The following ADGRA3 variants were observed in gnomAD, a reference collection of about 807,000 sequenced individuals.
ADGRA3 encodes adhesion G protein-coupled receptor A3, also known as G-protein coupled receptor 125.
ADGRA3 carries 56 observed loss-of-function variants against 119.8 expected under a neutral mutation model. The ratio of observed to expected loss-of-function variants is 0.47; its 90% CI spans 0.38 to 0.58. ADGRA3 has a LOEUF of 0.58. Among genes scored for constraint, ADGRA3 ranks in the 20% least tolerant of loss-of-function variants. The pLI is 0.00. For missense variants in ADGRA3, 1,516 were observed against 1,649.0 expected (o/e 0.92, Z 1.40); for synonymous variants, 607 against 623.8 (o/e 0.97, Z 0.40).
Position 22,483,163 on chromosome 4 carries a change from C to T in ADGRA3, c.258-9320G>A, listed in dbSNP as rs376717670. Among the ~76,000 whole-genome samples, 217 of 152,292 alleles carry T rather than the reference C, an allele frequency of 1.4e-3. 1 individual carries two copies. Among genetic ancestry groups the T allele is most frequent in the African/African-American group, 4.9e-3 (203 of 41,562 alleles). On this transcript the variant is annotated intron_variant, in intron 1 of 18. Coordinates refer to ENST00000334304, the MANE Select transcript of ADGRA3 (RefSeq NM_145290.4). ...ACCTGCAATTCCCATCTGAAGACTT[C>T]TTATGCCTGCTTCTGTTTTCTCTCT...
chr4:22,492,140 T>C (rs1484770363), intron 1 of ADGRA3, among the ~76,000 whole-genome samples: 1 of 152,138 alleles, frequency 6.6e-6, no homozygotes, highest in African/African-American at 2.4e-5. Context: ...AAAATTGCAT[T>C]TGGTGTCTCA....
intron 1 of ADGRA3, among the ~76,000 whole-genome samples, chr4:22,501,924 AT>A (rs11399317): frequency 6.6e-6 from 1 of 150,526 alleles, no homozygotes; most frequent in Non-Finnish European, 1.5e-5. Context: ...CGAATGTGTA[AT>A]TTTTTTTTTC....
chr4:22,515,847 C>T lies in ADGRA3; in HGVS notation c.-63G>A, dbSNP rs1228209490. ...CTGGCCTAGCGGGCCGCCCCGGAGC[C>T]CGGGCGGGCAGGAGCGCGGCGCGGG... On this transcript the variant is annotated 5_prime_UTR_variant, in exon 1 of 19. Transcript: ENST00000334304. The T allele has an allele frequency of 3.1e-6, 3 of 978,720 alleles. No homozygotes were observed. The highest frequency in any genetic ancestry group is 4.6e-5 in the South Asian group (1 of 21,546). The allele number at this position is 978,720 out of a possible 1,614,324, so 60.6% of individuals were successfully genotyped here. A position where few individuals can be genotyped will look rare whatever the true frequency, so the allele number is the denominator to read the frequency against.
At chr4:22,492,101 C>T (rs1394772407) in intron 1 of ADGRA3, among the ~76,000 whole-genome samples, 1 of 152,098 alleles carries the variant, frequency 6.6e-6, no homozygotes, top group African/African-American at 2.4e-5. Flanking sequence ...AATACACTGC[C>T]CATGTTACAG....
At chr4:22,444,434 T>C (rs1049297719) in intron 6 of ADGRA3, among the ~76,000 whole-genome samples, 1 of 152,116 alleles carries the variant, frequency 6.6e-6, no homozygotes, top group Non-Finnish European at 1.5e-5. Context: ...TACAGTCACC[T>C]GCCACCATGC....
At chr4:22,441,212 C>T (rs990163758) in intron 7 of ADGRA3, among the ~76,000 whole-genome samples, 2 of 152,062 alleles carry the variant, frequency 1.3e-5, no homozygotes, top group African/African-American at 4.8e-5. Flanking sequence ...GCTGGAAGCC[C>T]AAACTTCTAT....
intron 3 of ADGRA3, among the ~76,000 whole-genome samples, chr4:22,461,439 T>C (rs1319605066): frequency 6.6e-6 from 1 of 152,226 alleles, no homozygotes; most frequent in African/African-American, 2.4e-5. Flanking sequence ...TAGCTGGGAC[T>C]ACAGGCACAC....
chr4:22,446,559 C>T (rs1250156421), intron 5 of ADGRA3, among the ~76,000 whole-genome samples: 1 of 152,112 alleles, frequency 6.6e-6, no homozygotes, highest in African/African-American at 2.4e-5. Context: ...AGTACACACA[C>T]ATGCCTGCTA....
At chr4:22,497,575 A>G (rs1036074407) in intron 1 of ADGRA3, among the ~76,000 whole-genome samples, 2 of 152,070 alleles carry the variant, frequency 1.3e-5, no homozygotes, top group African/African-American at 2.4e-5. Flanking sequence ...CAGTAATCCC[A>G]TTTTCGGAAG....
At chr4:22,457,294 G>A (rs978584402) in intron 3 of ADGRA3, among the ~76,000 whole-genome samples, 3 of 152,136 alleles carry the variant, frequency 2.0e-5, no homozygotes, top group Admixed American at 1.3e-4. Flanking sequence ...AAAGGCAAAG[G>A]CATGGTTTAA....
At chr4:22,487,371 A>T (rs1210670532) in intron 1 of ADGRA3, among the ~76,000 whole-genome samples, 1 of 152,166 alleles carries the variant, frequency 6.6e-6, no homozygotes. Flanking sequence ...AAGAGCATGC[A>T]ACCTAGCTCC....
At chr4:22,484,971 C>T (rs1335717896) in intron 1 of ADGRA3, among the ~76,000 whole-genome samples, 1 of 152,040 alleles carries the variant, frequency 6.6e-6, no homozygotes, top group African/African-American at 2.4e-5. Flanking sequence ...ATCTTAATAA[C>T]GTTCTGCTTT....
chr4:22,461,919 GA>G, intron 2 of ADGRA3, 111 bp from the exon 3 acceptor site: 1 of 592,264 alleles, frequency 1.7e-6, no homozygotes, highest in South Asian at 3.2e-5. Context: ...ATAAGAGGAG[GA>G]AACTGAAGCC....
rs141989487 is a variant in ADGRA3, at chr4:22,456,785, G to A, written c.402-1848C>T. Among the ~76,000 whole-genome samples, 1,100 of 152,210 alleles carry A rather than the reference G, an allele frequency of 7.2e-3. 16 individuals carry two copies. Among genetic ancestry groups the A allele is most frequent in the African/African-American group, 0.025 (1,036 of 41,528 alleles). ...TGGAGAGGCCTAATACAGCACCTTA[G>A]GTAATCCTAATTTCAATAATTTCAT... On this transcript the variant is annotated intron_variant, in intron 3 of 18. Coordinates refer to ENST00000334304, the MANE Select transcript of ADGRA3 (RefSeq NM_145290.4).
At chr4:22,435,540 C>T (rs1180577636) in intron 9 of ADGRA3, 74 bp from the exon 10 acceptor site, 2 of 1,308,500 alleles carry the variant, frequency 1.5e-6, no homozygotes, top group South Asian at 1.7e-5. Context: ...GACATTTTAA[C>T]TTTGCATTTC....
intron 1 of ADGRA3, among the ~76,000 whole-genome samples, chr4:22,483,916 A>AGGTCACAACT: frequency 6.6e-6 from 1 of 152,224 alleles, no homozygotes; most frequent in East Asian, 1.9e-4. Context: ...TCATTCAAGC[A>AGGTCACAACT]GGTCACAACT....
chr4:22,422,797 G>T (rs1715760316), intron 11 of ADGRA3, among the ~76,000 whole-genome samples: 1 of 152,180 alleles, frequency 6.6e-6, no homozygotes, highest in Non-Finnish European at 1.5e-5. Flanking sequence ...TAAAGGATGA[G>T]ATTTAAAATG....
chr4:22,406,605 T>C (rs1714938465), intron 14 of ADGRA3, among the ~76,000 whole-genome samples: 1 of 152,212 alleles, frequency 6.6e-6, no homozygotes, highest in Non-Finnish European at 1.5e-5. Context: ...GTATGTCTTC[T>C]TTTCAGAGTA....
Position 22,401,573 on chromosome 4 carries a change from A to G in ADGRA3, c.2358-19T>C, listed in dbSNP as rs1714650497. On this transcript the variant is annotated intron_variant, in intron 15 of 18. Transcript: ENST00000334304. ...AATCAAACTGTTTAAAAAAGAGAGA[A>G]AATATTAATATTCAGGCTAGTACAT... 2.5e-6 allele frequency: 4 copies of G among 1,587,084 alleles called. No homozygotes were observed. The East Asian group carries it at 6.7e-5, about 27-fold the overall frequency.
Sources: allele counts gnomAD v4.1 joint callset (sites outside exome capture counted in the v4.1 genomes callset), GRCh38; gene constraint gnomAD v4.1.1; transcripts MANE v1.5; gene names NCBI Gene and HGNC (gene_info 2026-07-23, HGNC 2026-07-21).